The following CSMD2 variants were observed in gnomAD, a reference collection of about 807,000 sequenced individuals.
CSMD2 encodes CUB and sushi domain-containing protein 2.
A neutral mutation model predicts 398.5 loss-of-function variants in CSMD2; 130 were observed. That is an observed-to-expected ratio of 0.33 (90% CI 0.28 to 0.38). The LOEUF (loss-of-function observed/expected upper bound fraction) is 0.38. Ranked by LOEUF, CSMD2 falls within the 10% of genes least tolerant of loss-of-function variation. The pLI is 1.00. For synonymous variants in CSMD2, 1,828 were observed against 1,908.5 expected (o/e 0.96, Z 1.10); for missense variants, 3,829 against 4,764.9 (o/e 0.80, Z 5.78).
Position 33,804,749 on chromosome 1 carries a change from T to C in CSMD2, c.1446+5994A>G, listed in dbSNP as rs940661091. 2.1e-5 allele frequency: 15 copies of C among 717,442 alleles called. 1 individual carries two copies. In the Middle Eastern group the frequency reaches 3.4e-3, roughly 164 times the overall value. The allele number at this position is 717,442 out of a possible 1,614,324, so 44.4% of individuals were successfully genotyped here. A position where few individuals can be genotyped will look rare whatever the true frequency, so the allele number is the denominator to read the frequency against. ...CTTGGATACACCTGTATCTCACCTG[T>C]AGGCCAGTTCCATGAACAGGGTTAG... On this transcript the variant is annotated intron_variant, in intron 10 of 70. Coordinates refer to ENST00000373381, the MANE Select transcript of CSMD2 (RefSeq NM_001281956.2).
intron 37 of CSMD2, among the ~76,000 whole-genome samples, chr1:33,620,034 G>T (rs972761359): frequency 3.3e-5 from 5 of 152,170 alleles, no homozygotes; most frequent in African/African-American, 1.2e-4. Flanking sequence ...AAGAAAAATG[G>T]AATGGGAGAA....
At position 34,165,033 on chromosome 1, in the gene CSMD2, T is replaced by C; in HGVS notation, c.65A>G (p.Glu22Gly). ...CGGCACAAGCGCCGAAATCCCGGTT[T>C]CGCCGCGAGCCCTCCCCGCGGGGCA... is the stretch of plus-strand genomic sequence containing the variant. ...CGCPAGRARG[E>G]TGISALVPGA... The change falls in exon 1 of 71, where the codon GAA (glutamate) becomes GGA (glycine). Residue 22 changes from glutamate to glycine, a missense_variant. By Grantham distance (98) the Glu-to-Gly change is moderately conservative (BLOSUM62 -2). Coordinates refer to ENST00000373381, the MANE Select transcript of CSMD2 (RefSeq NM_001281956.2). 1 of 1,211,824 alleles carries C rather than the reference T, an allele frequency of 8.3e-7. No individual in the cohort carries two copies. The highest frequency in any genetic ancestry group is 1.0e-6 in the Non-Finnish European group (1 of 975,196). The allele number at this position is 1,211,824 out of a possible 1,614,324, so 75.1% of individuals were successfully genotyped here.
intron 5 of CSMD2, among the ~76,000 whole-genome samples, chr1:33,909,630 T>C (rs1396092001): frequency 6.6e-6 from 1 of 152,058 alleles, no homozygotes; most frequent in African/African-American, 2.4e-5. Flanking sequence ...ATGCTGGTAA[T>C]GAAGATGAAA....
chr1:33,935,884 G>C lies in CSMD2; in HGVS notation c.588C>G (p.Asn196Lys). ...AGCTGTAGCGGACCTTGTCACCGAG[G>C]TTGAAGGTTGAACCCTGCTGGATGC... ...PNGIQQGSTF[N>K]LGDKVRYSCN... Residue 196 changes from asparagine (N) to lysine (K), a missense_variant, in exon 4 of 71, where the codon AAC (asparagine) becomes AAG (lysine). Physicochemically the swap from Asn to Lys is moderately conservative, Grantham distance 94. This residue lies in a region of CSMD2 where 2,001 missense variants were observed against 2,567.1 expected (regional missense o/e 0.78). Coordinates refer to ENST00000373381, the MANE Select transcript of CSMD2 (RefSeq NM_001281956.2). 6.2e-7 allele frequency: 1 copy of C among 1,614,188 alleles called. No individual in the cohort carries two copies.
At chr1:33,609,577 A>C (rs1021063243) in intron 41 of CSMD2, among the ~76,000 whole-genome samples, 1 of 152,094 alleles carries the variant, frequency 6.6e-6, no homozygotes, top group African/African-American at 2.4e-5. Flanking sequence ...AGACAAAGAG[A>C]GCTTTGGCCT....
chr1:33,658,504 C>G (rs1456560024), intron 26 of CSMD2, among the ~76,000 whole-genome samples: 1 of 152,190 alleles, frequency 6.6e-6, no homozygotes, highest in Non-Finnish European at 1.5e-5. Context: ...ATAAACAAAG[C>G]ATTGCAATTT....
intron 5 of CSMD2, among the ~76,000 whole-genome samples, chr1:33,856,516 C>T (rs944976631): frequency 6.6e-5 from 10 of 152,090 alleles, no homozygotes; most frequent in Non-Finnish European, 1.0e-4. Context: ...CAGAAGCCTC[C>T]GCTGCTTGTA....
At chr1:33,940,819 T>C (rs1644645203) in intron 3 of CSMD2, among the ~76,000 whole-genome samples, 2 of 152,230 alleles carry the variant, frequency 1.3e-5, no homozygotes, top group Non-Finnish European at 2.9e-5. Context: ...TTTAATAGTC[T>C]GATTTTTTTC....
Position 33,633,555 on chromosome 1 carries a change from T to C in CSMD2, c.5087-20A>G. ...ACACCACTGTGGAGGAGACACAGTGTGGGGACTGGGCAGGCACGCTGGGGG... is the reference window on the plus strand; with the variant it reads ...ACACCACTGTGGAGGAGACACAGTGCGGGGACTGGGCAGGCACGCTGGGGG... On this transcript the variant is annotated intron_variant, in intron 31 of 70. Coordinates refer to ENST00000373381, the MANE Select transcript of CSMD2 (RefSeq NM_001281956.2). This position sits in a 1 kb window ranked among gnomAD's most constrained non-coding sequence, Gnocchi z 5.0. The C allele has an allele frequency of 6.6e-7, 1 of 1,522,512 alleles. No homozygotes were observed. 94.3% of individuals were successfully genotyped at this position (1,522,512 alleles called of 1,614,324 possible). A position where few individuals can be genotyped will look rare whatever the true frequency, so the allele number is the denominator to read the frequency against.
Position 33,519,842 on chromosome 1 carries a change from G to A in CSMD2, c.10706C>T (p.Ala3569Val), listed in dbSNP as rs1248637022. Residue 3569 changes from alanine (A) to valine (V), a missense_variant, in exon 69 of 71, where the codon GCG (alanine) becomes GTG (valine). Physicochemically the swap from Ala to Val is moderately conservative, Grantham distance 64. This residue lies in a region of CSMD2 where 917 missense variants were observed against 1,199.5 expected (regional missense o/e 0.76). Transcript: ENST00000373381. The surrounding 1 kb of genome is among the most constrained non-coding windows in gnomAD (Gnocchi z 5.6). ...CTTGTAGAGATAGAGCACGAAGCCC[G>A]CAATAATGAGGGCGATGAAAGGCAC... The part of the protein sequence containing the change: ...ILVPFIALII[A>V]GFVLYLYKHR... 40 of 1,613,862 alleles carry A rather than the reference G, an allele frequency of 2.5e-5. No individual in the cohort carries two copies. The highest frequency in any genetic ancestry group is 3.1e-5 in the Non-Finnish European group (37 of 1,179,988).
intron 3 of CSMD2, among the ~76,000 whole-genome samples, chr1:34,019,532 C>A (rs72882628): frequency 0.016 from 2,496 of 152,274 alleles, 69 homozygotes; most frequent in African/African-American, 0.053. Flanking sequence ...AGGGAGTGAG[C>A]CCTGGGCTTG....
intron 5 of CSMD2, among the ~76,000 whole-genome samples, chr1:33,900,502 C>T (rs1977207): frequency 3.3e-5 from 5 of 152,080 alleles, no homozygotes; most frequent in Non-Finnish European, 5.9e-5. Context: ...TGTGGCTGGG[C>T]GCAATGGCTC....
At chr1:33,786,491 T>G (rs559771156) in intron 12 of CSMD2, among the ~76,000 whole-genome samples, 62 of 152,366 alleles carry the variant, frequency 4.1e-4, no homozygotes, top group African/African-American at 1.5e-3. Context: ...TGTGTAACTT[T>G]ATGCACCGGA....
Position 33,819,778 on chromosome 1 carries a change from C to T in CSMD2, c.1259G>A (p.Arg420Gln), listed in dbSNP as rs772920315. Residue 420 changes from arginine (R) to glutamine (Q), a missense_variant, in exon 9 of 71, where the codon CGG becomes CAG. Arg to Gln is a conservative substitution (Grantham distance 43, BLOSUM62 1). Around this residue, in one of 5 missense-constraint regions of CSMD2, gnomAD observed 2,001 missense variants for 2,567.1 expected, o/e 0.78. Coordinates refer to ENST00000373381, the MANE Select transcript of CSMD2 (RefSeq NM_001281956.2). ...GTCGCTCACTTTCATACAGGTGATC[C>T]GCTTGGACCCTTGCAGGTCATAGCC... ...NEGYDLQGSK[R>Q]ITCMKVSDMF... The T allele has an allele frequency of 7.0e-5, 113 of 1,614,110 alleles. No individual in the cohort carries two copies. Among genetic ancestry groups the T allele is most frequent in the Non-Finnish European group, 9.3e-5 (110 of 1,180,004 alleles).
rs931606405 is a variant in CSMD2, at chr1:34,032,719, G to C, written c.405-13C>G. The C allele has an allele frequency of 1.3e-6, 2 of 1,554,938 alleles. No homozygotes were observed. Among genetic ancestry groups the C allele is most frequent in the Admixed American group, 3.8e-5 (2 of 52,952 alleles). Reference sequence around the variant, plus strand: ...AAAGCCTGTGAGCCTGAAAGACAAAGAATTGGATTAGGGAGAATGACCCCC... The same window carrying C: ...AAAGCCTGTGAGCCTGAAAGACAAACAATTGGATTAGGGAGAATGACCCCC... On this transcript the variant is annotated splice_polypyrimidine_tract_variant and intron_variant, in intron 2 of 70. Coordinates refer to ENST00000373381, the MANE Select transcript of CSMD2 (RefSeq NM_001281956.2).
intron 32 of CSMD2, among the ~76,000 whole-genome samples, chr1:33,628,623 T>G (rs1642271065): frequency 6.8e-6 from 1 of 147,194 alleles, no homozygotes; most frequent in East Asian, 2.0e-4. Flanking sequence ...GAGCTGAGAT[T>G]GCACCACTAC....
intron 1 of CSMD2, among the ~76,000 whole-genome samples, chr1:34,108,154 G>A (rs536946619): frequency 1.3e-5 from 2 of 152,108 alleles, no homozygotes; most frequent in East Asian, 1.9e-4. Context: ...GTTTTATCTG[G>A]TGGAACTGGC....
intron 24 of CSMD2, among the ~76,000 whole-genome samples, chr1:33,694,423 G>A (rs2149102203): frequency 6.6e-6 from 1 of 152,236 alleles, no homozygotes; most frequent in East Asian, 1.9e-4. Context: ...CCCAGATATT[G>A]AGGGAGGAAC....
intron 1 of CSMD2, among the ~76,000 whole-genome samples, chr1:34,118,704 G>T (rs12738781): frequency 6.6e-6 from 1 of 152,094 alleles, no homozygotes; most frequent in Non-Finnish European, 1.5e-5. Context: ...AAAATACTTA[G>T]AAATACGCTT....
Sources: gnomAD v4.1 joint callset for allele counts (sites outside exome capture counted in the v4.1 genomes callset) on GRCh38, gnomAD v4.1.1 for gene constraint, gnomAD v4.1.1 regional missense constraint, Gnocchi (gnomAD v3.1) non-coding constraint, MANE v1.5 for transcripts, NCBI Gene and HGNC (gene_info 2026-07-23, HGNC 2026-07-21) for gene names.